Variants in CDK12 observed in about 807,000 individuals in gnomAD.
CDK12 encodes the protein cyclin-dependent kinase 12.
Under a neutral mutation model 133.8 loss-of-function variants are expected in CDK12, and 17 were observed. The ratio of observed to expected loss-of-function variants is 0.13; its 90% CI spans 0.09 to 0.19. CDK12 has a LOEUF of 0.19. CDK12 is among the 10% of genes least tolerant of loss of function. CDK12 has a pLI of 1.00. For missense variants in CDK12, 1,508 were observed against 1,818.7 expected, an observed-to-expected ratio of 0.83 and a Z score of 3.11; for synonymous variants, 694 against 683.6, an observed-to-expected ratio of 1.02 and a Z score of -0.24.
At chr17:39,483,449 A>G (rs997525664) in intron 2 of CDK12, among the ~76,000 whole-genome samples, 1 of 151,828 alleles carries the variant, frequency 6.6e-6, no homozygotes, top group Non-Finnish European at 1.5e-5. Flanking sequence ...ACTTTTTTGT[A>G]GAGATGGAGT....
At chr17:39,486,641 A>C (rs558104910) in intron 2 of CDK12, among the ~76,000 whole-genome samples, 1 of 152,258 alleles carries the variant, frequency 6.6e-6, no homozygotes, top group African/African-American at 2.4e-5. Flanking sequence ...GAGATTTGTA[A>C]AGAATATTCC....
chr17:39,509,137 A>G (rs766321708), intron 6 of CDK12, among the ~76,000 whole-genome samples: 1 of 152,072 alleles, frequency 6.6e-6, no homozygotes, highest in Non-Finnish European at 1.5e-5. Context: ...GCCATGTTCT[A>G]CTGAGTCAGC....
intron 13 of CDK12, chr17:39,530,387 T>G (rs1455615016): frequency 1.8e-6 from 1 of 540,712 alleles, no homozygotes; most frequent in Non-Finnish European, 3.0e-6. Context: ...TTGAAACATA[T>G]GATATTTTTA....
At chr17:39,490,779 C>T (rs371884672) in intron 3 of CDK12, 46 bp downstream of exon 3, 23 of 1,402,002 alleles carry the variant, frequency 1.6e-5, no homozygotes, top group Non-Finnish European at 2.2e-5. Flanking sequence ...TTTCTCCCTT[C>T]CTTTTGAACT....
At chr17:39,483,924 A>G (rs575901624) in intron 2 of CDK12, among the ~76,000 whole-genome samples, 1 of 151,740 alleles carries the variant, frequency 6.6e-6, no homozygotes, top group African/African-American at 2.4e-5. Context: ...GCTCACTGCA[A>G]CTGCTGCCTC....
chr17:39,465,832 G>C (rs541495274), intron 1 of CDK12, among the ~76,000 whole-genome samples: 1 of 152,224 alleles, frequency 6.6e-6, no homozygotes, highest in South Asian at 2.1e-4. Flanking sequence ...AGTATTCTTA[G>C]GATATTTGTT....
At chr17:39,562,902 CTTTTTTT>C (rs59852699) in intron 3 of CDK12, among the ~76,000 whole-genome samples, 124 of 92,388 alleles carry the variant, frequency 1.3e-3, no homozygotes, top group African/African-American at 4.1e-3. Context: ...TTTTTCTTTT[CTTTTTTT>C]TTTTTTTTTT....
At chr17:39,500,228 G>C (rs888937945) in intron 5 of CDK12, among the ~76,000 whole-genome samples, 2 of 151,936 alleles carry the variant, frequency 1.3e-5, no homozygotes, top group African/African-American at 4.8e-5. Flanking sequence ...CTACATGAGA[G>C]GCTGAGGCGG....
chr17:39,501,185 G>C, intron 5 of CDK12, 65 bp from the exon 6 acceptor site: 1 of 1,175,778 alleles, frequency 8.5e-7, no homozygotes, highest in South Asian at 1.7e-5. Flanking sequence ...ATTAGGACTT[G>C]AGGCATTGTT....
intron 3 of CDK12, among the ~76,000 whole-genome samples, chr17:39,563,796 G>A (rs945817360): frequency 2.7e-5 from 4 of 149,998 alleles, no homozygotes; most frequent in African/African-American, 4.9e-5. Flanking sequence ...AGTGAGGAAG[G>A]GGGGAGAGAA....
In CDK12 at chr17:39,483,569, T is replaced by C. The variant is rs2050888590; in HGVS notation, c.1932-6988T>C. Among the ~76,000 whole-genome samples, 3 of 152,034 alleles carry C rather than the reference T, an allele frequency of 2.0e-5. No homozygotes were observed. The South Asian group carries it at 6.2e-4, about 31-fold the overall frequency. On this transcript the variant is annotated intron_variant, in intron 2 of 13. Coordinates refer to ENST00000447079, the MANE Select transcript of CDK12 (RefSeq NM_016507.4). ...ATGAGCCACCGTGCCTGGTCTGAAA[T>C]CATGTTTTAAACAACCAACTTCAAG...
downstream of CDK12, chr17:39,534,998 A>T (rs1038572305): frequency 6.6e-6 from 1 of 152,232 alleles, no homozygotes; most frequent in Non-Finnish European, 1.5e-5. Context: ...CAGAGTCAGC[A>T]TGGGGATTAG....
At chr17:39,557,641 G>A (rs1413552811) in intron 3 of CDK12, among the ~76,000 whole-genome samples, 1 of 152,182 alleles carries the variant, frequency 6.6e-6, no homozygotes, top group African/African-American at 2.4e-5. Flanking sequence ...GATTGGACCT[G>A]CTTCTCTTCT....
chr17:39,483,342 G>T (rs2050871353), intron 2 of CDK12, among the ~76,000 whole-genome samples: 1 of 151,690 alleles, frequency 6.6e-6, no homozygotes, highest in African/African-American at 2.4e-5. Flanking sequence ...ACAGCTCACA[G>T]TATCCTCTAC....
At chr17:39,470,742 C>A in intron 1 of CDK12, 137 bp from the exon 2 acceptor site, 1 of 693,106 alleles carries the variant, frequency 1.4e-6, no homozygotes, top group Non-Finnish European at 2.3e-6. Flanking sequence ...GTTTCTCAGA[C>A]TGTCCTCGTT....
Position 39,532,444 on chromosome 17 carries a change from C to G in CDK12, c.*1128C>G, listed in dbSNP as rs1159735661. 1 of 229,966 alleles carries G rather than the reference C, an allele frequency of 4.3e-6. No homozygotes were observed. Among genetic ancestry groups the G allele is most frequent in the Admixed American group, 5.7e-5 (1 of 17,578 alleles). 14.2% of individuals were successfully genotyped at this position (229,966 alleles called of 1,614,324 possible). ...ATAACAGCATTTAGCATATTGTTTA[C>G]ACATATATTTTTATGTCAAAAAAAA... On this transcript the variant is annotated 3_prime_UTR_variant, in exon 14 of 14. Transcript: ENST00000447079.
chr17:39,499,510 C>CTT (rs11386819), intron 5 of CDK12, among the ~76,000 whole-genome samples: 6 of 131,272 alleles, frequency 4.6e-5, no homozygotes, highest in Admixed American at 7.9e-5. Context: ...CGCCCAGCCT[C>CTT]TTTTTTTTTT....
At chr17:39,468,496 A>T (rs1485206665) in intron 1 of CDK12, among the ~76,000 whole-genome samples, 1 of 151,574 alleles carries the variant, frequency 6.6e-6, no homozygotes, top group Non-Finnish European at 1.5e-5. Context: ...TTTTTTTGAG[A>T]CGGAGTTTCA....
At position 39,511,606 on chromosome 17, in the gene CDK12, C is replaced by A. The variant is rs1316654724; in HGVS notation, c.2744C>A (p.Pro915Gln). Residue 915 changes from proline (P) to glutamine (Q), a missense_variant, in exon 8 of 14, where the codon CCA becomes CAA. Pro to Gln is a moderately conservative substitution (Grantham distance 76). This residue lies in a region of CDK12 where 82 missense variants were observed against 201.5 expected (regional missense o/e 0.41). Transcript: ENST00000447079. ...CTGCTAGGAGAGGAACGTTACACAC[C>A]AGCCATAGATGTTTGGAGCTGTGGG... The part of the protein sequence containing the change: ...ELLLGEERYT[P>Q]AIDVWSCGCI... The A allele has an allele frequency of 6.2e-7, 1 of 1,611,426 alleles. No homozygotes were observed. The highest frequency in any genetic ancestry group is 1.1e-5 in the South Asian group (1 of 90,824).
Sources: gnomAD v4.1 joint callset for allele counts (sites outside exome capture counted in the v4.1 genomes callset) on GRCh38, gnomAD v4.1.1 for gene constraint, gnomAD v4.1.1 regional missense constraint, MANE v1.5 for transcripts, NCBI Gene and HGNC (gene_info 2026-07-23, HGNC 2026-07-21) for gene names.